RUNX2: variants seen among roughly 807,000 people sequenced by gnomAD.
The protein encoded by RUNX2 is RUNX family transcription factor 2.
A neutral mutation model predicts 51.7 loss-of-function variants in RUNX2; 10 were observed. The observed-to-expected ratio is 0.19, with a 90% CI of 0.12 to 0.33. RUNX2 has a LOEUF of 0.33. Ranked by LOEUF, RUNX2 falls within the 10% of genes least tolerant of loss-of-function variation. The pLI is 1.00. For missense variants in RUNX2, 562 were observed against 691.3 expected (o/e 0.81, Z 2.10); for synonymous variants, 276 against 273.6 (o/e 1.01, Z -0.09).
chr6:45,491,852 C>T (rs1800485346), intron 5 of RUNX2, 89 bp from the exon 6 acceptor site: 1 of 1,333,352 alleles, frequency 7.5e-7, no homozygotes, highest in South Asian at 1.2e-5. Context: ...TTGGCTTAAA[C>T]TCCCAGTTTG....
At chr6:45,458,022 ATTT>A (rs67652614) in intron 5 of RUNX2, among the ~76,000 whole-genome samples, 2 of 137,706 alleles carry the variant, frequency 1.5e-5, no homozygotes, top group Admixed American at 7.3e-5. Flanking sequence ...CTGGGATAGG[ATTT>A]TTTTTTTTTT....
chr6:45,505,454 T>A (rs1372060037), intron 6 of RUNX2, among the ~76,000 whole-genome samples: 1 of 152,068 alleles, frequency 6.6e-6, no homozygotes, highest in East Asian at 1.9e-4. Flanking sequence ...TTTGGCTTTT[T>A]AGTCATTTGA....
chr6:45,363,155 A>G (rs35113874), intron 2 of RUNX2, among the ~76,000 whole-genome samples: 7,168 of 152,216 alleles, frequency 0.047, 224 homozygotes, highest in Non-Finnish European at 0.07. Context: ...TGTCGCAAAT[A>G]CTCAACTCTG....
intron 5 of RUNX2, among the ~76,000 whole-genome samples, chr6:45,454,171 A>G (rs1799255324): frequency 6.6e-6 from 1 of 152,198 alleles, no homozygotes; most frequent in African/African-American, 2.4e-5. Flanking sequence ...AATGGAAGTA[A>G]GTTAATGGAA....
At chr6:45,446,436 T>C (rs1264669736) in intron 5 of RUNX2, among the ~76,000 whole-genome samples, 1 of 152,038 alleles carries the variant, frequency 6.6e-6, no homozygotes, top group Non-Finnish European at 1.5e-5. Flanking sequence ...ATTCTGAAAA[T>C]AGTGTTAGGG....
At chr6:45,519,064 G>A (rs1027603655) in intron 7 of RUNX2, among the ~76,000 whole-genome samples, 6 of 152,156 alleles carry the variant, frequency 3.9e-5, no homozygotes, top group African/African-American at 1.2e-4. Flanking sequence ...CAGAGGCTCT[G>A]CAAGGAGTAA....
chr6:45,488,834 C>T (rs1178097144), intron 5 of RUNX2, among the ~76,000 whole-genome samples: 7 of 152,152 alleles, frequency 4.6e-5, no homozygotes, highest in Middle Eastern at 3.2e-3. Context: ...CTCGTTGGCC[C>T]GTTGGATGAG....
chr6:45,523,717 G>A (rs1436701669), intron 7 of RUNX2, among the ~76,000 whole-genome samples: 2 of 151,834 alleles, frequency 1.3e-5, no homozygotes, highest in African/African-American at 2.4e-5. Context: ...GATGGATCAC[G>A]AGGTCAGGAG....
rs569229783 is a variant in RUNX2, at chr6:45,494,303, G to C, written c.859+2189G>C. Among the ~76,000 whole-genome samples the C allele has an allele frequency of 3.9e-5, 6 of 152,330 alleles. No homozygotes were observed. In the East Asian group the frequency reaches 1.2e-3, roughly 29 times the overall value. ...TCTTCACCCTCTTCCCTGTTAGGGG[G>C]CTCAGGAAGTTAAGCTTCTTGTCTG... is the stretch of plus-strand genomic sequence containing the variant. On this transcript the variant is annotated intron_variant, in intron 6 of 8. Transcript: ENST00000647337.
chr6:45,514,287 C>T (rs570125618), intron 7 of RUNX2, among the ~76,000 whole-genome samples: 22 of 152,230 alleles, frequency 1.4e-4, no homozygotes, highest in South Asian at 4.1e-4. Flanking sequence ...ACATGTGTAA[C>T]GGAAAACAGC....
intron 2 of RUNX2, among the ~76,000 whole-genome samples, chr6:45,386,537 C>T (rs1172983194): frequency 6.6e-6 from 1 of 152,210 alleles, no homozygotes; most frequent in Non-Finnish European, 1.5e-5. Flanking sequence ...AGGAAGATAA[C>T]TTCTCTGAAC....
At chr6:45,468,112 C>T (rs1799689661) in intron 5 of RUNX2, among the ~76,000 whole-genome samples, 2 of 152,312 alleles carry the variant, frequency 1.3e-5, no homozygotes, top group South Asian at 4.1e-4. Context: ...TTAGCCCAGT[C>T]TTATCATTAC....
At chr6:45,338,684 T>A (rs1789130571) in intron 2 of RUNX2, among the ~76,000 whole-genome samples, 1 of 152,146 alleles carries the variant, frequency 6.6e-6, no homozygotes, top group South Asian at 2.1e-4. Flanking sequence ...AATATAAATT[T>A]GGGTTCAGCT....
intron 7 of RUNX2, 61 bp from the exon 8 acceptor site, chr6:45,545,156 T>C: frequency 7.4e-7 from 1 of 1,347,666 alleles, no homozygotes; most frequent in Non-Finnish European, 1.0e-6. Flanking sequence ...CTCTTGGAAT[T>C]CATAGTCATA....
intron 5 of RUNX2, among the ~76,000 whole-genome samples, chr6:45,488,466 C>G (rs114459661): frequency 2.1e-3 from 321 of 152,242 alleles, no homozygotes; most frequent in African/African-American, 7.2e-3. Flanking sequence ...AGGGCTCAAC[C>G]AGAAAAGGGG....
intron 6 of RUNX2, among the ~76,000 whole-genome samples, chr6:45,506,341 A>G (rs892168915): frequency 4.6e-5 from 7 of 152,190 alleles, no homozygotes; most frequent in Non-Finnish European, 1.0e-4. Context: ...GTTACAGGTC[A>G]GATTTGATTA....
In RUNX2 at chr6:45,478,863, T is replaced by C. The variant is rs571319071; in HGVS notation, c.686-13078T>C. Among the ~76,000 whole-genome samples the C allele has an allele frequency of 3.3e-5, 5 of 152,282 alleles. No homozygotes were observed. In the East Asian group the frequency reaches 7.7e-4, roughly 24 times the overall value. Reference sequence around the variant, plus strand: ...GCATTTTGGGCAGTCATCAATTCCATAGGACAGACTTTTTTTTTCTTTTCT... The same window carrying C: ...GCATTTTGGGCAGTCATCAATTCCACAGGACAGACTTTTTTTTTCTTTTCT... On this transcript the variant is annotated intron_variant, in intron 5 of 8. Coordinates refer to ENST00000647337, the MANE Select transcript of RUNX2 (RefSeq NM_001024630.4).
At chr6:45,430,363 A>G (rs1798509590) in intron 3 of RUNX2, among the ~76,000 whole-genome samples, 1 of 152,200 alleles carries the variant, frequency 6.6e-6, no homozygotes, top group African/African-American at 2.4e-5. Flanking sequence ...CTGTAATTTA[A>G]GGAAGGCTTT....
chr6:45,443,736 A>C, intron 5 of RUNX2, among the ~76,000 whole-genome samples: 1 of 152,248 alleles, frequency 6.6e-6, no homozygotes, highest in Non-Finnish European at 1.5e-5. Flanking sequence ...GCTTGGTATT[A>C]GCAGATCACT....
Sources: gnomAD v4.1 joint callset for allele counts (sites outside exome capture counted in the v4.1 genomes callset) on GRCh38, gnomAD v4.1.1 for gene constraint, MANE v1.5 for transcripts, NCBI Gene and HGNC (gene_info 2026-07-23, HGNC 2026-07-21) for gene names.